The following SGCD variants were observed in gnomAD, a reference collection of about 807,000 sequenced individuals.
SGCD encodes the protein sarcoglycan delta.
In SGCD, 18 loss-of-function variants were observed where a neutral mutation model predicts 36.6. The ratio of observed to expected loss-of-function variants is 0.49; its 90% CI spans 0.34 to 0.73. The LOEUF (loss-of-function observed/expected upper bound fraction) is 0.73. Among genes scored for constraint, SGCD ranks in the 30% least tolerant of loss-of-function variants. The probability of loss-of-function intolerance (pLI) is 0.01; values close to 1 mark genes in which losing one functional copy is unlikely to be tolerated. For synonymous variants in SGCD, 133 were observed against 130.6 expected (o/e 1.02, Z -0.12); for missense variants, 387 against 346.7 (o/e 1.12, Z -0.92).
intron 6 of SGCD, among the ~76,000 whole-genome samples, chr5:156,630,405 C>T (rs1433104579): frequency 6.6e-6 from 1 of 152,110 alleles, no homozygotes; most frequent in Non-Finnish European, 1.5e-5. Context: ...GCTTATGATT[C>T]CCTGTTTCTA....
chr5:156,424,962 T>C (rs1241383244), intron 3 of SGCD, among the ~76,000 whole-genome samples: 2 of 152,066 alleles, frequency 1.3e-5, no homozygotes, highest in African/African-American at 4.8e-5. Context: ...GCCTGGGATA[T>C]ACCAAAATCC....
chr5:156,746,301 G>A (rs545462068), intron 7 of SGCD, among the ~76,000 whole-genome samples: 3 of 152,168 alleles, frequency 2.0e-5, no homozygotes. Context: ...CTCACAAAAG[G>A]AGGGCAAATT....
At chr5:156,246,443 T>A (rs1220189475) in intron 3 of SGCD, among the ~76,000 whole-genome samples, 1 of 149,792 alleles carries the variant, frequency 6.7e-6, no homozygotes, top group Non-Finnish European at 1.5e-5. Context: ...AGGTTATAGA[T>A]TTTTTTTTTA....
chr5:155,858,953 T>TC, the SGCD span, among the ~76,000 whole-genome samples: 4 of 141,786 alleles, frequency 2.8e-5, no homozygotes, highest in African/African-American at 1.0e-4. Flanking sequence ...TTTTTTTTTT[T>TC]CTCTCTCATG....
intron 1 of SGCD, among the ~76,000 whole-genome samples, chr5:155,962,619 T>G (rs1757814107): frequency 6.6e-6 from 1 of 151,968 alleles, no homozygotes; most frequent in Non-Finnish European, 1.5e-5. Flanking sequence ...AAGACTGAAA[T>G]AAGAAAAGGT....
At chr5:155,875,421 A>G (rs994253061) in intron 1 of SGCD, among the ~76,000 whole-genome samples, 7 of 152,144 alleles carry the variant, frequency 4.6e-5, no homozygotes, top group African/African-American at 9.7e-5. Flanking sequence ...CAAATATTTT[A>G]ATAATAGCAT....
intron 4 of SGCD, among the ~76,000 whole-genome samples, chr5:156,520,046 T>C (rs189578703): frequency 1.3e-5 from 2 of 152,296 alleles, no homozygotes; most frequent in East Asian, 3.9e-4. Context: ...AAATAAAGCA[T>C]ATTCAAATAG....
At chr5:156,040,046 A>C (rs1031684625) in intron 1 of SGCD, among the ~76,000 whole-genome samples, 3 of 152,140 alleles carry the variant, frequency 2.0e-5, no homozygotes, top group Non-Finnish European at 2.9e-5. Flanking sequence ...AAGACAATGG[A>C]GATTAGCAAA....
intron 2 of SGCD, among the ~76,000 whole-genome samples, chr5:156,338,357 T>C (rs1259305386): frequency 6.6e-6 from 1 of 152,224 alleles, no homozygotes; most frequent in Non-Finnish European, 1.5e-5. Context: ...GACTAGAATA[T>C]GTGCTTAGCC....
intron 1 of SGCD, among the ~76,000 whole-genome samples, chr5:156,030,173 G>A (rs894522926): frequency 1.3e-5 from 2 of 152,206 alleles, no homozygotes; most frequent in African/African-American, 4.8e-5. Context: ...TTGATTAGGG[G>A]TGATATGTAA....
chr5:156,350,020 G>T (rs1769155697), intron 3 of SGCD, among the ~76,000 whole-genome samples: 1 of 151,702 alleles, frequency 6.6e-6, no homozygotes, highest in South Asian at 2.1e-4. Flanking sequence ...TTGATAAGTG[G>T]GAGCTAAGCT....
chr5:156,652,349 G>A (rs1763493897), intron 7 of SGCD, among the ~76,000 whole-genome samples: 1 of 151,882 alleles, frequency 6.6e-6, no homozygotes, highest in Non-Finnish European at 1.5e-5. Context: ...AGCCAGATGT[G>A]GTAGTGATGC....
chr5:155,734,810 G>T, the SGCD span, among the ~76,000 whole-genome samples: 3 of 152,136 alleles, frequency 2.0e-5, no homozygotes, highest in African/African-American at 7.2e-5. Flanking sequence ...CAATTGCTTG[G>T]CTGACTCCCA....
intron 6 of SGCD, among the ~76,000 whole-genome samples, chr5:156,641,829 G>C (rs1244941291): frequency 1.3e-5 from 2 of 151,986 alleles, no homozygotes; most frequent in African/African-American, 2.4e-5. Flanking sequence ...TCTTCTCTAT[G>C]CTTACTACCA....
chr5:156,580,243 C>T (rs969544163), intron 4 of SGCD, among the ~76,000 whole-genome samples: 2 of 152,208 alleles, frequency 1.3e-5, no homozygotes, highest in African/African-American at 4.8e-5. Context: ...ATATTGTCCC[C>T]CACTCTCTAC....
chr5:156,670,549 C>G (rs1408073904), intron 7 of SGCD, among the ~76,000 whole-genome samples: 1 of 152,148 alleles, frequency 6.6e-6, no homozygotes, highest in Non-Finnish European at 1.5e-5. Context: ...TTGAAGCCAG[C>G]CTTGTTTTAT....
chr5:156,412,335 T>C (rs1303343439), intron 3 of SGCD, among the ~76,000 whole-genome samples: 1 of 152,244 alleles, frequency 6.6e-6, no homozygotes, highest in African/African-American at 2.4e-5. Flanking sequence ...TAAAAGTTCT[T>C]TAAAAAGCTG....
intron 6 of SGCD, among the ~76,000 whole-genome samples, chr5:156,608,254 CTT>C (rs1293512255): frequency 3.3e-5 from 5 of 152,156 alleles, no homozygotes; most frequent in African/African-American, 1.2e-4. Flanking sequence ...TCTTTGTTCT[CTT>C]TGGTTTCAAA....
chr5:156,444,856 A>G (rs996809751), intron 3 of SGCD, among the ~76,000 whole-genome samples: 1 of 152,204 alleles, frequency 6.6e-6, no homozygotes, highest in Non-Finnish European at 1.5e-5. Flanking sequence ...AGAATGCTCC[A>G]TGTGTTTTTA....
Sources: gnomAD v4.1 joint callset for allele counts (sites outside exome capture counted in the v4.1 genomes callset) on GRCh38, gnomAD v4.1.1 for gene constraint, MANE v1.5 for transcripts, NCBI Gene and HGNC (gene_info 2026-07-23, HGNC 2026-07-21) for gene names.